ZNF131: variants seen among roughly 807,000 people sequenced by gnomAD.
ZNF131 encodes zinc finger and BTB domain containing 35.
A neutral mutation model predicts 60.0 loss-of-function variants in ZNF131; 7 were observed. That is an observed-to-expected ratio of 0.12 (90% CI 0.07 to 0.22). The LOEUF (loss-of-function observed/expected upper bound fraction) is 0.22. ZNF131 is among the 10% of genes least tolerant of loss of function. The pLI, the probability that ZNF131 is intolerant of heterozygous loss-of-function variation, is 1.00. For synonymous variants in ZNF131, 257 were observed against 253.2 expected, an observed-to-expected ratio of 1.01 and a Z score of -0.14; for missense variants, 493 against 740.9, an observed-to-expected ratio of 0.67 and a Z score of 3.88.
intron 3 of ZNF131, among the ~76,000 whole-genome samples, chr5:43,136,689 A>G (rs1202043682): frequency 7.4e-6 from 1 of 135,354 alleles, no homozygotes; most frequent in Admixed American, 8.3e-5. Flanking sequence ...GTTTCACCAT[A>G]TCGACCAGGC....
rs747693116 is a variant in ZNF131 at position 43,151,093 on chromosome 5, G to A, written c.372-10156G>A. Among the ~76,000 whole-genome samples, 8 of 151,974 alleles carry A rather than the reference G, an allele frequency of 5.3e-5. No individual in the cohort carries two copies. The East Asian group carries it at 1.5e-3, about 29-fold the overall frequency. Reference sequence around the variant, plus strand: ...CTCCACATTGTCCCATAGGGAGGATGTCTACTAGGGCAAGTTTTTCATTCA... The same window carrying A: ...CTCCACATTGTCCCATAGGGAGGATATCTACTAGGGCAAGTTTTTCATTCA... On this transcript the variant is annotated intron_variant, in intron 4 of 6. Transcript: ENST00000682664.
chr5:43,139,422 T>C, intron 4 of ZNF131, 113 bp downstream of exon 4: 1 of 1,121,300 alleles, frequency 8.9e-7, no homozygotes, highest in Non-Finnish European at 1.2e-6. Context: ...TTCAGAAGAA[T>C]TAAGAATATT....
At chr5:43,138,422 T>C (rs1013128746) in intron 3 of ZNF131, among the ~76,000 whole-genome samples, 4 of 152,116 alleles carry the variant, frequency 2.6e-5, no homozygotes, top group South Asian at 2.1e-4. Flanking sequence ...GGGAGGCTGA[T>C]CGGGCAGATC....
intron 5 of ZNF131, among the ~76,000 whole-genome samples, chr5:43,164,990 G>T (rs920890898): frequency 6.6e-6 from 1 of 152,016 alleles, no homozygotes; most frequent in Non-Finnish European, 1.5e-5. Flanking sequence ...TTGCTGTGTT[G>T]CCCAGGCTGG....
At chr5:43,155,756 A>G (rs931691749) in intron 4 of ZNF131, among the ~76,000 whole-genome samples, 3 of 152,150 alleles carry the variant, frequency 2.0e-5, no homozygotes, top group Non-Finnish European at 4.4e-5. Flanking sequence ...AGGAGAAGAA[A>G]CAGTTTTTCT....
At chr5:43,173,747 T>C (rs944739762) in intron 6 of ZNF131, among the ~76,000 whole-genome samples, 3 of 151,002 alleles carry the variant, frequency 2.0e-5, no homozygotes, top group African/African-American at 4.9e-5. Flanking sequence ...GTAATTAGAT[T>C]CCCCCCCCAT....
chr5:43,168,975 C>T (rs115584519), intron 5 of ZNF131, among the ~76,000 whole-genome samples: 1 of 152,132 alleles, frequency 6.6e-6, no homozygotes, highest in Non-Finnish European at 1.5e-5. Flanking sequence ...GAGGGAAATA[C>T]CAGACATGTT....
chr5:43,127,797 AAC>A (rs1744742902), intron 3 of ZNF131, among the ~76,000 whole-genome samples: 1 of 152,212 alleles, frequency 6.6e-6, no homozygotes, highest in African/African-American at 2.4e-5. Flanking sequence ...TAAAATCTTC[AAC>A]AGACATTCAT....
At chr5:43,159,070 A>G (rs1022836698) in intron 4 of ZNF131, among the ~76,000 whole-genome samples, 2 of 152,192 alleles carry the variant, frequency 1.3e-5, no homozygotes, top group Non-Finnish European at 2.9e-5. Context: ...CTCAAGTCCC[A>G]CAAGAGTGAC....
At chr5:43,147,402 T>A (rs949971573) in intron 4 of ZNF131, among the ~76,000 whole-genome samples, 8 of 150,636 alleles carry the variant, frequency 5.3e-5, no homozygotes, top group South Asian at 2.1e-4. Context: ...ATCTTTTTTT[T>A]ATTTTATTTT....
chr5:43,169,426 G>A (rs868733010), intron 5 of ZNF131, among the ~76,000 whole-genome samples: 53 of 152,174 alleles, frequency 3.5e-4, no homozygotes, highest in African/African-American at 1.1e-3. Flanking sequence ...AGTAACTACT[G>A]CTATCCTTTT....
intron 1 of ZNF131, 44 bp from the exon 2 acceptor site, chr5:43,121,995 G>T: frequency 6.4e-7 from 1 of 1,573,570 alleles, no homozygotes; most frequent in Non-Finnish European, 8.6e-7. Flanking sequence ...TTTGTTCCTC[G>T]GCTCGAGCTC....
intron 4 of ZNF131, among the ~76,000 whole-genome samples, chr5:43,154,426 AAG>A (rs891002886): frequency 1.3e-5 from 2 of 152,124 alleles, no homozygotes; most frequent in African/African-American, 4.8e-5. Flanking sequence ...AAAAAAAAAA[AAG>A]AAGTGTCAGA....
chr5:43,153,122 G>C (rs748887394), intron 4 of ZNF131, among the ~76,000 whole-genome samples: 23 of 152,228 alleles, frequency 1.5e-4, no homozygotes, highest in Middle Eastern at 3.4e-3. Flanking sequence ...GCTCACATGG[G>C]CTATTATAAG....
intron 4 of ZNF131, among the ~76,000 whole-genome samples, chr5:43,159,052 C>T (rs1045241158): frequency 6.6e-5 from 10 of 152,150 alleles, no homozygotes; most frequent in African/African-American, 2.4e-4. Flanking sequence ...TACCAGTTTT[C>T]CCTTCCCCTC....
intron 3 of ZNF131, among the ~76,000 whole-genome samples, chr5:43,134,856 C>G (rs1247148082): frequency 6.7e-6 from 1 of 149,526 alleles, no homozygotes; most frequent in East Asian, 2.0e-4. Flanking sequence ...CCTATCACAC[C>G]CAGCTAATTC....
intron 3 of ZNF131, 32 bp downstream of exon 3, chr5:43,123,342 A>G (rs1744112312): frequency 6.5e-7 from 1 of 1,543,804 alleles, no homozygotes; most frequent in Non-Finnish European, 8.8e-7. Flanking sequence ...TTTATTTAAT[A>G]AATCAAAGAA....
intron 4 of ZNF131, among the ~76,000 whole-genome samples, chr5:43,150,211 T>C (rs572215085): frequency 6.6e-6 from 1 of 152,294 alleles, no homozygotes; most frequent in South Asian, 2.1e-4. Context: ...TAACCTTTGC[T>C]GTAGAGGAAA....
At chr5:43,155,976 A>G (rs1246079375) in intron 4 of ZNF131, among the ~76,000 whole-genome samples, 2 of 152,210 alleles carry the variant, frequency 1.3e-5, no homozygotes, top group African/African-American at 2.4e-5. Context: ...GAAGATAGAG[A>G]CACTGCACTA....
Sources: gnomAD v4.1 joint callset for allele counts (sites outside exome capture counted in the v4.1 genomes callset) on GRCh38, gnomAD v4.1.1 for gene constraint, MANE v1.5 for transcripts, NCBI Gene and HGNC (gene_info 2026-07-23, HGNC 2026-07-21) for gene names.